ATAD2B: variants seen among roughly 807,000 people sequenced by gnomAD.
The protein encoded by ATAD2B is ATPase family AAA domain-containing protein 2B.
In ATAD2B, 40 loss-of-function variants were observed where a neutral mutation model predicts 167.6. That is an observed-to-expected ratio of 0.24 (90% confidence interval 0.19 to 0.31). The LOEUF (loss-of-function observed/expected upper bound fraction) is 0.31. Ranked by LOEUF, ATAD2B falls within the 10% of genes least tolerant of loss-of-function variation. The pLI is 1.00. For synonymous variants in ATAD2B, 579 were observed against 596.5 expected (o/e 0.97, Z 0.43); for missense variants, 1,242 against 1,757.2 (o/e 0.71, Z 5.24).
chr2:23,742,443 C>G, the ATAD2B span, among the ~76,000 whole-genome samples: 1 of 151,444 alleles, frequency 6.6e-6, no homozygotes. Flanking sequence ...TCTCAGCAAA[C>G]CATCGCAAGG....
chr2:23,736,707 G>C, the ATAD2B span, among the ~76,000 whole-genome samples: 1 of 152,152 alleles, frequency 6.6e-6, no homozygotes, highest in Non-Finnish European at 1.5e-5. Context: ...AAGACAGTGG[G>C]TGCAGCCTAC....
At chr2:23,867,981 A>G in intron 9 of ATAD2B, 35 bp from the exon 10 acceptor site, 1 of 1,394,622 alleles carries the variant, frequency 7.2e-7, no homozygotes, top group Non-Finnish European at 1.0e-6. Flanking sequence ...AAGTTGCATT[A>G]AAAGTTTCAC....
the ATAD2B span, among the ~76,000 whole-genome samples, chr2:23,721,171 G>A: frequency 6.6e-6 from 1 of 152,170 alleles, no homozygotes; most frequent in African/African-American, 2.4e-5. Context: ...CCAAGCAACT[G>A]ACACATTTCC....
Position 23,749,910 on chromosome 2 carries a change from A to C in ATAD2B, c.*2136T>G, listed in dbSNP as rs1675173716. 6.6e-6 allele frequency: 1 copy of C among 152,082 alleles called. No individual in the cohort carries two copies. Among genetic ancestry groups the C allele is most frequent in the Non-Finnish European group, 1.5e-5 (1 of 67,986 alleles). The allele number at this position is 152,082 out of a possible 1,614,324, so 9.4% of individuals were successfully genotyped here. ...TGTTACTTGAAAAGAATGCTTCTGA[A>C]TTAGAATAACTGGAATAAATATTTA... is the stretch of plus-strand genomic sequence containing the variant. On this transcript the variant is annotated 3_prime_UTR_variant, in exon 28 of 28. Coordinates refer to ENST00000238789, the MANE Select transcript of ATAD2B (RefSeq NM_017552.4).
At chr2:23,869,434 T>C (rs1695594830) in intron 9 of ATAD2B, among the ~76,000 whole-genome samples, 1 of 152,190 alleles carries the variant, frequency 6.6e-6, no homozygotes, top group Admixed American at 6.5e-5. Context: ...CCCTTAGCTC[T>C]CCTTACTTTC....
chr2:23,738,144 A>G, the ATAD2B span, among the ~76,000 whole-genome samples: 1 of 152,230 alleles, frequency 6.6e-6, no homozygotes, highest in Admixed American at 6.5e-5. Flanking sequence ...TATCCAAGAG[A>G]AGTTCCCCAA....
At chr2:23,776,846 C>T (rs1679217257) in intron 22 of ATAD2B, among the ~76,000 whole-genome samples, 1 of 152,102 alleles carries the variant, frequency 6.6e-6, no homozygotes. Context: ...TTTATCATCT[C>T]TAAAAATTGA....
At chr2:23,728,726 T>C in the ATAD2B span, among the ~76,000 whole-genome samples, 4 of 152,192 alleles carry the variant, frequency 2.6e-5, no homozygotes, top group African/African-American at 9.7e-5. Context: ...GTTTTGGTGA[T>C]ATGGGTTAAT....
In ATAD2B at chr2:23,848,452, C is replaced by G. The variant is rs565628989; in HGVS notation, c.1568+8963G>C. Among the ~76,000 whole-genome samples, 3 of 152,254 alleles carry G rather than the reference C, an allele frequency of 2.0e-5. No individual in the cohort carries two copies. The South Asian group carries it at 6.2e-4, about 32-fold the overall frequency. ...CCGAGACTGCGCCACTACACTCCAG[C>G]CTGGGTGACAGAGTGAGACTCTGTC... On this transcript the variant is annotated intron_variant, in intron 13 of 27. Transcript: ENST00000238789.
intron 15 of ATAD2B, among the ~76,000 whole-genome samples, chr2:23,824,469 T>C (rs1328609578): frequency 6.6e-6 from 1 of 152,194 alleles, no homozygotes; most frequent in Non-Finnish European, 1.5e-5. Context: ...CTACCAACTC[T>C]GAGTACAACC....
chr2:23,695,285 C>G, the ATAD2B span, among the ~76,000 whole-genome samples: 1 of 152,176 alleles, frequency 6.6e-6, no homozygotes, highest in Non-Finnish European at 1.5e-5. The surrounding 1 kb of genome is among the most constrained non-coding windows in gnomAD (Gnocchi z 7.6). Context: ...ACCCCTCGCC[C>G]CTGCCCCCAG....
intron 19 of ATAD2B, among the ~76,000 whole-genome samples, chr2:23,790,042 G>A (rs1207403178): frequency 6.6e-6 from 1 of 152,080 alleles, no homozygotes; most frequent in Non-Finnish European, 1.5e-5. Context: ...ACCTTGTGTC[G>A]TTCCAGTGCT....
the ATAD2B span, among the ~76,000 whole-genome samples, chr2:23,687,877 C>T: frequency 2.6e-5 from 4 of 152,178 alleles, no homozygotes; most frequent in South Asian, 2.1e-4. Context: ...GGGGGCGTTG[C>T]GACCAGATGT....
rs1470515409 is a variant in ATAD2B at position 23,749,584 on chromosome 2, A to T, written c.*2462T>A. ...TTTTAATTGAGGGAAGGAGGGCCAG[A>T]GGAGTTGGTACAATTTCAGCTCATT... On this transcript the variant is annotated 3_prime_UTR_variant, in exon 28 of 28. Transcript: ENST00000238789. 1 of 152,118 alleles carries T rather than the reference A, an allele frequency of 6.6e-6. No individual in the cohort carries two copies. Among genetic ancestry groups the T allele is most frequent in the African/African-American group, 2.4e-5 (1 of 41,428 alleles). The allele number at this position is 152,118 out of a possible 1,614,324, so 9.4% of individuals were successfully genotyped here.
At chr2:23,773,961 TTA>T (rs1397915804) in intron 22 of ATAD2B, among the ~76,000 whole-genome samples, 2 of 152,224 alleles carry the variant, frequency 1.3e-5, no homozygotes, top group Non-Finnish European at 2.9e-5. Context: ...AAGCAGTACT[TTA>T]ATGAATGTAA....
chr2:23,788,404 C>G, intron 20 of ATAD2B, 108 bp downstream of exon 20: 1 of 1,249,830 alleles, frequency 8.0e-7, no homozygotes, highest in South Asian at 1.4e-5. Context: ...CAGAACCTGA[C>G]AAACTGTCCT....
intron 1 of ATAD2B, among the ~76,000 whole-genome samples, chr2:23,915,265 G>A (rs74859706): frequency 6.6e-6 from 1 of 152,088 alleles, no homozygotes; most frequent in African/African-American, 2.4e-5. Context: ...CAGTAACCAA[G>A]TATTCTATCA....
the ATAD2B span, among the ~76,000 whole-genome samples, chr2:23,698,889 A>G: frequency 6.6e-6 from 1 of 152,362 alleles, no homozygotes; most frequent in Admixed American, 6.5e-5. Flanking sequence ...GCGATGTGCC[A>G]TCATACTGAA....
chr2:23,917,088 A>G (rs1423486605), intron 1 of ATAD2B, among the ~76,000 whole-genome samples: 1 of 152,240 alleles, frequency 6.6e-6, no homozygotes, highest in Non-Finnish European at 1.5e-5. Context: ...CTGGACTTCT[A>G]TGATTTTGCA....
Sources: allele counts gnomAD v4.1 joint callset (sites outside exome capture counted in the v4.1 genomes callset), GRCh38; gene constraint gnomAD v4.1.1; non-coding constraint Gnocchi (gnomAD v3.1); transcripts MANE v1.5; gene names NCBI Gene and HGNC (gene_info 2026-07-23, HGNC 2026-07-21).